NBAS: variants seen among roughly 807,000 people sequenced by gnomAD.
The protein encoded by NBAS is NBAS subunit of NRZ tethering complex, also known as NAG/BC035112 fusion.
In NBAS, 219 loss-of-function variants were observed where a neutral mutation model predicts 302.5. That is an observed-to-expected ratio of 0.72 (90% confidence interval 0.65 to 0.81). NBAS has a LOEUF of 0.81. Among genes scored for constraint, NBAS ranks in the 30% least tolerant of loss-of-function variants. The pLI, the probability that NBAS is intolerant of heterozygous loss-of-function variation, is 0.00. For missense variants in NBAS, 2,932 were observed against 2,841.6 expected, an observed-to-expected ratio of 1.03 and a Z score of -0.72; for synonymous variants, 1,118 against 1,021.6, an observed-to-expected ratio of 1.09 and a Z score of -1.80.
At chr2:15,541,585 G>A (rs921808271) in intron 6 of NBAS, among the ~76,000 whole-genome samples, 6 of 151,940 alleles carry the variant, frequency 3.9e-5, no homozygotes, top group South Asian at 4.2e-4. Flanking sequence ...AAAAAATCCC[G>A]GAGAGGTCAT....
chr2:14,820,609 C>A, the NBAS span, among the ~76,000 whole-genome samples: 3 of 152,090 alleles, frequency 2.0e-5, no homozygotes, highest in African/African-American at 7.2e-5. Flanking sequence ...TATTTGATAG[C>A]ACAATAGGGT....
chr2:14,965,311 CA>C, the NBAS span, among the ~76,000 whole-genome samples: 25 of 151,698 alleles, frequency 1.6e-4, 1 homozygote, highest in African/African-American at 5.8e-4. Flanking sequence ...TAGTTAGAAA[CA>C]AAAAGAAGGC....
intron 10 of NBAS, among the ~76,000 whole-genome samples, chr2:15,507,242 A>G (rs921926916): frequency 6.6e-6 from 1 of 152,218 alleles, no homozygotes; most frequent in African/African-American, 2.4e-5. Context: ...TGTCTGAACA[A>G]GAGAAAAGTT....
At chr2:15,384,063 C>G (rs184578895) in intron 28 of NBAS, among the ~76,000 whole-genome samples, 247 of 152,308 alleles carry the variant, frequency 1.6e-3, no homozygotes, top group African/African-American at 5.7e-3. Flanking sequence ...AAGCCCCTAT[C>G]AGGTATTTCC....
intron 38 of NBAS, among the ~76,000 whole-genome samples, chr2:15,320,971 A>G (rs1471043558): frequency 6.6e-6 from 1 of 152,230 alleles, no homozygotes; most frequent in Non-Finnish European, 1.5e-5. Flanking sequence ...AGCTGGAAGC[A>G]TTACGTTACC....
the NBAS span, among the ~76,000 whole-genome samples, chr2:15,151,000 T>C: frequency 6.6e-6 from 1 of 152,222 alleles, no homozygotes; most frequent in Admixed American, 6.5e-5. Flanking sequence ...TTCAACGGTG[T>C]GTAGACAAAT....
the NBAS span, among the ~76,000 whole-genome samples, chr2:14,900,141 A>T: frequency 7.0e-6 from 1 of 142,046 alleles, no homozygotes; most frequent in Non-Finnish European, 1.5e-5. Flanking sequence ...GGTTCTAGCC[A>T]ATTCTTCAGG....
intron 21 of NBAS, among the ~76,000 whole-genome samples, chr2:15,456,974 C>T (rs892638678): frequency 3.3e-5 from 5 of 152,044 alleles, no homozygotes; most frequent in African/African-American, 1.2e-4. Flanking sequence ...TCAGGGAAGA[C>T]CTTTATGAAG....
At position 15,478,278 on chromosome 2, in the gene NBAS, A is replaced by T. The variant is rs753060181; in HGVS notation, c.1095T>A (p.Asp365Glu). Reference sequence around the variant, plus strand: ...AGAGCCTCCAATCAGGATTAAGGTCATCATAGCCTGGCTAAATATGAAAAT... The same window carrying T: ...AGAGCCTCCAATCAGGATTAAGGTCTTCATAGCCTGGCTAAATATGAAAAT... The part of the protein sequence containing the change: ...EWGQNEQPGY[D>E]DLNPDWRLST... Residue 365 changes from aspartate to glutamate, a missense_variant, in exon 13 of 52, where the codon GAT becomes GAA. Transcript: ENST00000281513. The T allele has an allele frequency of 1.2e-6, 2 of 1,611,206 alleles. No individual in the cohort carries two copies. Among genetic ancestry groups the T allele is most frequent in the Admixed American group, 3.3e-5 (2 of 60,020 alleles).
chr2:14,987,090 C>T, the NBAS span, among the ~76,000 whole-genome samples: 2 of 151,902 alleles, frequency 1.3e-5, no homozygotes, highest in Non-Finnish European at 2.9e-5. Flanking sequence ...TTTTTTAATC[C>T]TAGCCTTTAG....
chr2:14,794,704 A>C, the NBAS span, among the ~76,000 whole-genome samples: 1 of 152,288 alleles, frequency 6.6e-6, no homozygotes, highest in East Asian at 1.9e-4. Flanking sequence ...GATGGTGAAC[A>C]ATCCATAATC....
Position 15,356,307 on chromosome 2 carries a change from G to A in NBAS, c.3927C>T (p.Ala1309=). ...TTAAATAAGCTGTCTACTCACCTGT[G>A]GCCATCAGCTCCTGACAATGCATAC... ...AASMHCQELM[A]TGYPKSWDVC... Residue 1309 remains alanine (A), a synonymous_variant, in exon 33 of 52, where the codon GCC becomes GCT. Coordinates refer to ENST00000281513, the MANE Select transcript of NBAS (RefSeq NM_015909.4). 6.2e-7 allele frequency: 1 copy of A among 1,611,686 alleles called. No individual in the cohort carries two copies. The highest frequency in any genetic ancestry group is 1.1e-5 in the South Asian group (1 of 91,022).
intron 49 of NBAS, among the ~76,000 whole-genome samples, chr2:15,187,690 C>G (rs1308876792): frequency 6.6e-6 from 1 of 152,116 alleles, no homozygotes; most frequent in Non-Finnish European, 1.5e-5. Flanking sequence ...GAGCAGGGTA[C>G]TGATTTTACT....
At chr2:15,290,629 T>C (rs895557816) in intron 41 of NBAS, among the ~76,000 whole-genome samples, 2 of 152,178 alleles carry the variant, frequency 1.3e-5, no homozygotes, top group Non-Finnish European at 2.9e-5. Flanking sequence ...AAACCCAAGC[T>C]CAACTCCTGG....
At chr2:15,509,424 T>C (rs1251770513) in intron 10 of NBAS, among the ~76,000 whole-genome samples, 1 of 152,204 alleles carries the variant, frequency 6.6e-6, no homozygotes, top group Admixed American at 6.5e-5. Flanking sequence ...ATATCCACAG[T>C]ACTGCATAAG....
At chr2:15,473,644 C>T (rs963113603) in intron 15 of NBAS, among the ~76,000 whole-genome samples, 2 of 152,194 alleles carry the variant, frequency 1.3e-5, no homozygotes, top group African/African-American at 4.8e-5. Flanking sequence ...GAGCTCCTAC[C>T]ACGACATTGC....
At chr2:14,870,403 C>T in the NBAS span, among the ~76,000 whole-genome samples, 2 of 152,212 alleles carry the variant, frequency 1.3e-5, no homozygotes, top group South Asian at 4.1e-4. Context: ...CAGAAAGGAA[C>T]ATGCTGAATG....
chr2:15,320,221 T>C (rs559158880), intron 38 of NBAS, among the ~76,000 whole-genome samples: 1 of 152,206 alleles, frequency 6.6e-6, no homozygotes, highest in South Asian at 2.1e-4. Flanking sequence ...AAACTCTCAA[T>C]AAACTAGGTA....
Position 15,421,320 on chromosome 2 carries a change from T to C in NBAS, c.2577+2995A>G, listed in dbSNP as rs73917318. Among the ~76,000 whole-genome samples the C allele has an allele frequency of 9.7e-3, 1,475 of 152,288 alleles. 30 individuals carry two copies. Among genetic ancestry groups the C allele is most frequent in the African/African-American group, 0.034 (1,403 of 41,546 alleles). On this transcript the variant is annotated intron_variant, in intron 23 of 51. Coordinates refer to ENST00000281513, the MANE Select transcript of NBAS (RefSeq NM_015909.4). Reference sequence around the variant, plus strand: ...ATTTTTAATATCAGCTTTGAATCTGTTGCCTTCCCAAATACTTACTAAAGT... The same window carrying C: ...ATTTTTAATATCAGCTTTGAATCTGCTGCCTTCCCAAATACTTACTAAAGT...
Sources: allele counts gnomAD v4.1 joint callset (sites outside exome capture counted in the v4.1 genomes callset), GRCh38; gene constraint gnomAD v4.1.1; transcripts MANE v1.5; gene names NCBI Gene and HGNC (gene_info 2026-07-23, HGNC 2026-07-21).